The following RHOA variants were observed in gnomAD, a reference collection of about 807,000 sequenced individuals.
RHOA encodes the protein ras homolog family member A.
A neutral mutation model predicts 17.5 loss-of-function variants in RHOA; 3 were observed. That is an observed-to-expected ratio of 0.17 (90% CI 0.08 to 0.44). The LOEUF (loss-of-function observed/expected upper bound fraction) is 0.44. Among genes scored for constraint, RHOA ranks in the 20% least tolerant of loss-of-function variants. The pLI, the probability that RHOA is intolerant of heterozygous loss-of-function variation, is 0.99. For missense variants in RHOA, 56 were observed against 242.3 expected (o/e 0.23, Z 5.10); for synonymous variants, 98 against 88.4 (o/e 1.11, Z -0.61).
chr3:49,359,365 A>C lies in RHOA; in HGVS notation c.*844T>G, dbSNP rs2047918027. 1 of 187,766 alleles carries C rather than the reference A, an allele frequency of 5.3e-6. No individual in the cohort carries two copies. 11.6% of individuals were successfully genotyped at this position (187,766 alleles called of 1,614,324 possible). A position where few individuals can be genotyped will look rare whatever the true frequency, so the allele number is the denominator to read the frequency against. ...GTTATGCCATCTTCCAAAGTGTCTA[A>C]TTGCCTCAGGCGTGAAACCAATTCC... On this transcript the variant is annotated 3_prime_UTR_variant, in exon 5 of 5. Coordinates refer to ENST00000418115, the MANE Select transcript of RHOA (RefSeq NM_001664.4).
chr3:49,393,919 G>A (rs980929741), intron 1 of RHOA, among the ~76,000 whole-genome samples: 12 of 150,430 alleles, frequency 8.0e-5, no homozygotes, highest in Non-Finnish European at 1.8e-4. Flanking sequence ...TGCCCAGGCT[G>A]GAGTGCTGTG....
At chr3:49,409,324 G>A (rs1394595133) in intron 1 of RHOA, among the ~76,000 whole-genome samples, 11 of 152,182 alleles carry the variant, frequency 7.2e-5, no homozygotes, top group Non-Finnish European at 1.3e-4. Context: ...GAACCCAGGA[G>A]GCAGACGGTG....
chr3:49,373,596 G>A (rs1411697776), intron 2 of RHOA, among the ~76,000 whole-genome samples: 1 of 152,154 alleles, frequency 6.6e-6, no homozygotes, highest in East Asian at 1.9e-4. Flanking sequence ...GGAAGAACTT[G>A]AGCCCAGTTG....
At chr3:49,402,547 G>GC (rs1575285203) in intron 1 of RHOA, among the ~76,000 whole-genome samples, 1 of 151,906 alleles carries the variant, frequency 6.6e-6, no homozygotes, top group East Asian at 1.9e-4. Context: ...GGTGGTGCTT[G>GC]CCTGTAGTCC....
intron 3 of RHOA, among the ~76,000 whole-genome samples, chr3:49,363,174 T>G (rs1221356208): frequency 6.6e-6 from 1 of 151,632 alleles, no homozygotes; most frequent in Non-Finnish European, 1.5e-5. Flanking sequence ...ATCCCAGCAC[T>G]TTGGGAGGCC....
intron 1 of RHOA, among the ~76,000 whole-genome samples, chr3:49,382,209 C>T (rs1297378923): frequency 6.6e-6 from 1 of 151,882 alleles, no homozygotes; most frequent in African/African-American, 2.4e-5. Flanking sequence ...GTTCCAGCTA[C>T]TCAGGAGGCT....
chr3:49,406,557 TCAGGAATTTGAGAC>T (rs1286357606), intron 1 of RHOA, among the ~76,000 whole-genome samples: 1 of 152,064 alleles, frequency 6.6e-6, no homozygotes, highest in Non-Finnish European at 1.5e-5. Context: ...TTGCCTGAGG[TCAGGAATTTGAGAC>T]CAGCCTGGCC....
chr3:49,382,991 T>C (rs1002485772), intron 1 of RHOA, among the ~76,000 whole-genome samples: 2 of 151,536 alleles, frequency 1.3e-5, no homozygotes, highest in African/African-American at 2.4e-5. Context: ...GAGGCAAAGG[T>C]TGCAGTGAGC....
intron 1 of RHOA, among the ~76,000 whole-genome samples, chr3:49,394,087 G>C (rs1025500740): frequency 6.6e-6 from 1 of 151,804 alleles, no homozygotes; most frequent in Non-Finnish European, 1.5e-5. Flanking sequence ...AGCCAGGATG[G>C]TCTCAATCTC....
chr3:49,367,433 G>GC (rs1364576491), intron 3 of RHOA, among the ~76,000 whole-genome samples: 1 of 150,040 alleles, frequency 6.7e-6, no homozygotes, highest in African/African-American at 2.5e-5. Context: ...TCACATTCAA[G>GC]CTTCTATCAG....
chr3:49,406,357 A>G (rs1259779208), intron 1 of RHOA, among the ~76,000 whole-genome samples: 1 of 152,250 alleles, frequency 6.6e-6, no homozygotes, highest in African/African-American at 2.4e-5. Context: ...AGAAGAATAC[A>G]GTAAAATAAA....
intron 1 of RHOA, among the ~76,000 whole-genome samples, chr3:49,397,832 C>A (rs2048643890): frequency 6.6e-6 from 1 of 152,068 alleles, no homozygotes; most frequent in South Asian, 2.1e-4. Flanking sequence ...AAGTAAGAAG[C>A]AAGATCATAA....
chr3:49,397,534 G>C (rs1039727769), intron 1 of RHOA, among the ~76,000 whole-genome samples: 1 of 152,074 alleles, frequency 6.6e-6, no homozygotes, highest in Admixed American at 6.6e-5. Context: ...AATAAGCGTT[G>C]AAAGTATGGC....
In RHOA at chr3:49,388,945, G is replaced by T. The variant is rs576476859; in HGVS notation, c.-2-13354C>A. ...TACTGAAACATGCTACAACATGGAT[G>T]AATCTTGAAAATACTATGCTCAGTA... is the stretch of plus-strand genomic sequence containing the variant. On this transcript the variant is annotated intron_variant, in intron 1 of 4. Coordinates refer to ENST00000418115, the MANE Select transcript of RHOA (RefSeq NM_001664.4). Among the ~76,000 whole-genome samples, 16 of 152,266 alleles carry T rather than the reference G, an allele frequency of 1.1e-4. No individual in the cohort carries two copies. In the South Asian group the frequency reaches 2.1e-3, roughly 20 times the overall value.
chr3:49,411,719 G>A (rs1444051385), intron 1 of RHOA, 101 bp downstream of exon 1: 6 of 152,032 alleles, frequency 3.9e-5, no homozygotes, highest in Admixed American at 2.6e-4. Flanking sequence ...CGAGCAGCCG[G>A]TGGGGCGCGG....
chr3:49,361,259 A>G (rs2047966612), intron 4 of RHOA, among the ~76,000 whole-genome samples: 1 of 152,146 alleles, frequency 6.6e-6, no homozygotes, highest in Non-Finnish European at 1.5e-5. Flanking sequence ...AAAATTACTC[A>G]AGCTACCAAT....
At chr3:49,378,222 A>T (rs2048264440) in intron 1 of RHOA, among the ~76,000 whole-genome samples, 10 of 131,816 alleles carry the variant, frequency 7.6e-5, no homozygotes, top group Admixed American at 8.0e-5. Flanking sequence ...GAAGTACGCT[A>T]TTTATCTATC....
chr3:49,368,075 A>C (rs539172984), intron 3 of RHOA, among the ~76,000 whole-genome samples: 154 of 151,510 alleles, frequency 1.0e-3, no homozygotes, highest in African/African-American at 3.4e-3. Context: ...ATGCCTGGCT[A>C]ATTTTTTTGT....
chr3:49,389,919 AGAGT>A (rs1439380684), intron 1 of RHOA, among the ~76,000 whole-genome samples: 27 of 133,628 alleles, frequency 2.0e-4, no homozygotes, highest in African/African-American at 7.3e-4. Context: ...CCTGGGCAAC[AGAGT>A]GAGACTCCAC....
Sources: gnomAD v4.1 joint callset for allele counts (sites outside exome capture counted in the v4.1 genomes callset) on GRCh38, gnomAD v4.1.1 for gene constraint, MANE v1.5 for transcripts, NCBI Gene and HGNC (gene_info 2026-07-23, HGNC 2026-07-21) for gene names.